GALNTL6: variants seen among roughly 807,000 people sequenced by gnomAD.
The protein encoded by GALNTL6 is polypeptide N-acetylgalactosaminyltransferase like 6.
Under a neutral mutation model 73.7 loss-of-function variants are expected in GALNTL6, and 46 were observed. That is an observed-to-expected ratio of 0.62 (90% CI 0.49 to 0.80). The LOEUF is 0.80. GALNTL6 is among the 30% of genes least tolerant of loss of function. The probability of loss-of-function intolerance (pLI) is 0.00; values close to 1 mark genes in which losing one functional copy is unlikely to be tolerated. For missense variants in GALNTL6, 604 were observed against 755.0 expected, an observed-to-expected ratio of 0.80 and a Z score of 2.34; for synonymous variants, 259 against 263.7, an observed-to-expected ratio of 0.98 and a Z score of 0.17.
intron 3 of GALNTL6, among the ~76,000 whole-genome samples, chr4:172,265,793 A>T (rs528422875): frequency 1.2e-4 from 18 of 152,204 alleles, no homozygotes; most frequent in Non-Finnish European, 2.2e-4. Context: ...AACAACTATT[A>T]TATAGATTAA....
intron 5 of GALNTL6, among the ~76,000 whole-genome samples, chr4:172,382,497 G>T (rs181486595): frequency 6.6e-6 from 1 of 151,964 alleles, no homozygotes; most frequent in African/African-American, 2.4e-5. Context: ...TATTCTGAGT[G>T]CAAGTAATGT....
intron 2 of GALNTL6, among the ~76,000 whole-genome samples, chr4:171,946,441 C>T (rs768513207): frequency 7.9e-5 from 12 of 152,138 alleles, no homozygotes; most frequent in Non-Finnish European, 1.8e-4. Context: ...GAGTTTTCTA[C>T]CTCTCCTTAA....
chr4:172,742,485 C>G (rs2332548), intron 5 of GALNTL6, among the ~76,000 whole-genome samples: 54,041 of 150,340 alleles, frequency 0.36, 10,731 homozygotes, highest in African/African-American at 0.52. Context: ...ATACTGAACA[C>G]AATTATTGTG....
chr4:172,891,677 C>T (rs1483345818), intron 8 of GALNTL6, among the ~76,000 whole-genome samples: 5 of 152,134 alleles, frequency 3.3e-5, no homozygotes, highest in African/African-American at 1.2e-4. Flanking sequence ...ATTTACATTT[C>T]AACCTCTCTA....
intron 5 of GALNTL6, among the ~76,000 whole-genome samples, chr4:172,529,988 C>T (rs1334859619): frequency 1.3e-5 from 2 of 151,480 alleles, no homozygotes; most frequent in Admixed American, 1.3e-4. Context: ...GTGATCCACC[C>T]ATCTCAACCT....
chr4:172,382,030 C>T (rs1015103224), intron 5 of GALNTL6, among the ~76,000 whole-genome samples: 1 of 152,294 alleles, frequency 6.6e-6, no homozygotes, highest in South Asian at 2.1e-4. Context: ...AGTGCAATGG[C>T]ACGATCTTGG....
intron 2 of GALNTL6, among the ~76,000 whole-genome samples, chr4:171,948,792 A>G (rs1273403709): frequency 6.6e-6 from 1 of 152,170 alleles, no homozygotes; most frequent in Non-Finnish European, 1.5e-5. Context: ...TGATGAAATA[A>G]AATATCAACA....
chr4:172,611,985 A>C (rs1560835410), intron 5 of GALNTL6, among the ~76,000 whole-genome samples: 1 of 152,132 alleles, frequency 6.6e-6, no homozygotes, highest in Non-Finnish European at 1.5e-5. Flanking sequence ...CAACAGAGCT[A>C]TTTTGGTAAA....
At chr4:172,870,594 C>A (rs149657455) in intron 7 of GALNTL6, among the ~76,000 whole-genome samples, 17 of 152,138 alleles carry the variant, frequency 1.1e-4, no homozygotes, top group African/African-American at 4.1e-4. Context: ...ATAGGTTTGA[C>A]ATGAAATGAA....
At chr4:172,632,935 C>A (rs928561308) in intron 5 of GALNTL6, among the ~76,000 whole-genome samples, 1 of 152,248 alleles carries the variant, frequency 6.6e-6, no homozygotes, top group Non-Finnish European at 1.5e-5. Flanking sequence ...AGCCCCAAGC[C>A]TTGGTGGCTT....
chr4:172,069,722 C>T lies in GALNTL6; in HGVS notation c.139-159934C>T, dbSNP rs1485394693. 3.0e-5 allele frequency among the ~76,000 whole-genome samples: 3 copies of T among 100,092 alleles called. 1 individual carries two copies. Among genetic ancestry groups the T allele is most frequent in the Non-Finnish European group, 6.4e-5 (3 of 46,550 alleles). 65.7% of individuals were successfully genotyped at this position (100,092 alleles called of 152,430 possible). A position where few individuals can be genotyped will look rare whatever the true frequency, so the allele number is the denominator to read the frequency against. ...TAAATGGTGCTAGACACCTCATCCACAAAATTCCACTTAGAAGATTTGATA... is the reference window on the plus strand; with the variant it reads ...TAAATGGTGCTAGACACCTCATCCATAAAATTCCACTTAGAAGATTTGATA... On this transcript the variant is annotated intron_variant, in intron 2 of 12. Coordinates refer to ENST00000506823, the MANE Select transcript of GALNTL6 (RefSeq NM_001034845.3).
intron 5 of GALNTL6, among the ~76,000 whole-genome samples, chr4:172,593,198 GA>G (rs1460578820): frequency 6.6e-6 from 1 of 152,072 alleles, no homozygotes; most frequent in African/African-American, 2.4e-5. Flanking sequence ...ATCATTTATA[GA>G]CTTCTCAAAC....
intron 2 of GALNTL6, among the ~76,000 whole-genome samples, chr4:172,189,440 G>T (rs1735506928): frequency 6.6e-6 from 1 of 152,102 alleles, no homozygotes; most frequent in Non-Finnish European, 1.5e-5. Flanking sequence ...GCTACTCCTG[G>T]TTTGTAGTTC....
intron 2 of GALNTL6, among the ~76,000 whole-genome samples, chr4:171,882,896 T>C (rs1166286991): frequency 6.6e-6 from 1 of 152,242 alleles, no homozygotes; most frequent in Non-Finnish European, 1.5e-5. Flanking sequence ...TTTCCAGGAA[T>C]AGTATGTGAC....
chr4:172,126,279 A>C (rs762592944), intron 2 of GALNTL6, among the ~76,000 whole-genome samples: 2 of 152,226 alleles, frequency 1.3e-5, no homozygotes, highest in Non-Finnish European at 2.9e-5. Flanking sequence ...GAAGTGACTT[A>C]GACATTTAAT....
intron 5 of GALNTL6, among the ~76,000 whole-genome samples, chr4:172,377,857 C>T (rs1040738026): frequency 1.3e-5 from 2 of 152,116 alleles, no homozygotes; most frequent in Admixed American, 6.5e-5. Context: ...CCCACACCCA[C>T]CCAGAATTCA....
chr4:172,126,499 G>A (rs1733297558), intron 2 of GALNTL6, among the ~76,000 whole-genome samples: 1 of 152,126 alleles, frequency 6.6e-6, no homozygotes, highest in South Asian at 2.1e-4. Context: ...TGAAGTGTAA[G>A]GGACACGAGG....
At chr4:172,350,600 T>C (rs1419034236) in intron 5 of GALNTL6, among the ~76,000 whole-genome samples, 2 of 152,198 alleles carry the variant, frequency 1.3e-5, no homozygotes, top group Admixed American at 6.5e-5. Flanking sequence ...GGTAAAACTT[T>C]CATTGAGATA....
intron 5 of GALNTL6, among the ~76,000 whole-genome samples, chr4:172,617,887 C>T (rs1275387166): frequency 6.6e-6 from 1 of 152,150 alleles, no homozygotes; most frequent in African/African-American, 2.4e-5. Flanking sequence ...CACCCCTTTG[C>T]TGCTATTATA....
Sources: allele counts gnomAD v4.1 joint callset (sites outside exome capture counted in the v4.1 genomes callset), GRCh38; gene constraint gnomAD v4.1.1; transcripts MANE v1.5; gene names NCBI Gene and HGNC (gene_info 2026-07-23, HGNC 2026-07-21).